The following GRB10 variants were observed in gnomAD, a reference collection of about 807,000 sequenced individuals.
The protein encoded by GRB10 is growth factor receptor bound protein 10.
GRB10 carries 20 observed loss-of-function variants against 80.9 expected under a neutral mutation model. The ratio of observed to expected loss-of-function variants is 0.25; its 90% CI spans 0.17 to 0.36. The LOEUF is 0.36. Among genes scored for constraint, GRB10 ranks in the 10% least tolerant of loss-of-function variants. GRB10 has a pLI of 1.00. For missense variants in GRB10, 548 were observed against 747.7 expected (o/e 0.73, Z 3.12); for synonymous variants, 291 against 291.5 (o/e 1.00, Z 0.02).
intron 2 of GRB10, among the ~76,000 whole-genome samples, chr7:50,771,124 G>A (rs1204827045): frequency 6.6e-6 from 1 of 152,204 alleles, no homozygotes; most frequent in Non-Finnish European, 1.5e-5. Context: ...TTTTTATGGA[G>A]TAAGAGTCCA....
intron 3 of GRB10, among the ~76,000 whole-genome samples, chr7:50,741,333 AAAG>A (rs1216464012): frequency 2.0e-5 from 3 of 152,300 alleles, no homozygotes; most frequent in African/African-American, 7.2e-5. Context: ...ACTAAACCAC[AAAG>A]AAGAGTAGTG....
chr7:50,720,377 GTGACAGTAT>G (rs2067521751), intron 4 of GRB10, among the ~76,000 whole-genome samples: 1 of 152,154 alleles, frequency 6.6e-6, no homozygotes, highest in Admixed American at 6.5e-5. Flanking sequence ...AACTGCTAAA[GTGACAGTAT>G]TGACTGCATG....
intron 4 of GRB10, among the ~76,000 whole-genome samples, chr7:50,726,571 T>C (rs1028601509): frequency 2.0e-5 from 3 of 152,192 alleles, no homozygotes; most frequent in Non-Finnish European, 2.9e-5. Flanking sequence ...TTATGTATTT[T>C]TATTTCCATT....
chr7:50,767,085 G>T (rs2074722), intron 2 of GRB10, among the ~76,000 whole-genome samples: 95,908 of 152,014 alleles, frequency 0.63, 32,605 homozygotes, highest in Middle Eastern at 0.87. Flanking sequence ...CAATGTAATC[G>T]AACTTTTCTG....
intron 2 of GRB10, among the ~76,000 whole-genome samples, chr7:50,758,955 C>T (rs541439444): frequency 1.3e-5 from 2 of 152,110 alleles, no homozygotes; most frequent in East Asian, 3.9e-4. Flanking sequence ...GAAGCCAAGG[C>T]TAGAAGACTG....
chr7:50,704,912 C>T (rs953797784), intron 4 of GRB10, among the ~76,000 whole-genome samples: 1 of 152,146 alleles, frequency 6.6e-6, no homozygotes, highest in African/African-American at 2.4e-5. Flanking sequence ...TTCTGGGTCT[C>T]GAACTACAGA....
At chr7:50,599,379 A>C (rs985091085) in intron 17 of GRB10, among the ~76,000 whole-genome samples, 10 of 152,170 alleles carry the variant, frequency 6.6e-5, no homozygotes, top group Non-Finnish European at 1.0e-4. Context: ...TAACTCTTTA[A>C]ACTGGCTTGC....
chr7:50,772,115 T>C (rs922962949), intron 2 of GRB10, among the ~76,000 whole-genome samples: 5 of 152,178 alleles, frequency 3.3e-5, no homozygotes, highest in Admixed American at 6.5e-5. Context: ...CACGGCCCTA[T>C]GGTCTCAATC....
intron 3 of GRB10, among the ~76,000 whole-genome samples, chr7:50,732,924 G>A (rs913747485): frequency 9.2e-5 from 14 of 152,070 alleles, no homozygotes; most frequent in Admixed American, 3.3e-4. Flanking sequence ...ACCTAGTACC[G>A]AATAAAATGA....
chr7:50,732,290 C>G lies in GRB10; in HGVS notation c.33G>C (p.Leu11Phe). The G allele has an allele frequency of 6.2e-7, 1 of 1,613,748 alleles. No individual in the cohort carries two copies. Among genetic ancestry groups the G allele is most frequent in the Non-Finnish European group, 8.5e-7 (1 of 1,179,942 alleles). The change falls in exon 4 of 19, where the codon TTG becomes TTC. Residue 11 changes from leucine to phenylalanine, a missense_variant. Leu to Phe is a conservative substitution (Grantham distance 22, BLOSUM62 0). Around this residue, in one of 4 missense-constraint regions of GRB10, gnomAD observed 245 missense variants for 229.3 expected, o/e 1.07. Transcript: ENST00000401949. MALAGCPDSF[L>F]HHPYYQDKVE... ...CCCATACCTGGTAGTACGGATGGTG[C>G]AAAAAGGAATCTGGGCAGCCGGCTA...
chr7:50,643,257 G>A (rs1563264699), intron 7 of GRB10, among the ~76,000 whole-genome samples: 1 of 152,062 alleles, frequency 6.6e-6, no homozygotes, highest in Non-Finnish European at 1.5e-5. Context: ...TGTACACTGG[G>A]GAAAGACTTA....
At chr7:50,688,537 G>A (rs966368793) in intron 5 of GRB10, among the ~76,000 whole-genome samples, 2 of 152,068 alleles carry the variant, frequency 1.3e-5, no homozygotes, top group Non-Finnish European at 2.9e-5. Flanking sequence ...AGGCCGGGGA[G>A]GGCAAAAATA....
intron 1 of GRB10, chr7:50,792,828 C>T (rs1462315120): frequency 1.3e-5 from 2 of 154,574 alleles, no homozygotes; most frequent in East Asian, 3.8e-4. Context: ...CCCAGGAGCG[C>T]GGCCTTGACC....
chr7:50,669,407 C>A (rs2060133031), intron 7 of GRB10, among the ~76,000 whole-genome samples: 1 of 152,060 alleles, frequency 6.6e-6, no homozygotes, highest in African/African-American at 2.4e-5. Flanking sequence ...TTTAAACAAC[C>A]AGATCTCGTG....
chr7:50,679,046 C>T (rs1042543034), intron 5 of GRB10, among the ~76,000 whole-genome samples: 5 of 152,136 alleles, frequency 3.3e-5, no homozygotes, highest in African/African-American at 1.2e-4. Flanking sequence ...TCACTTCAGA[C>T]GGATTTATAA....
At chr7:50,677,121 G>GC (rs1296754836) in intron 5 of GRB10, among the ~76,000 whole-genome samples, 2 of 152,212 alleles carry the variant, frequency 1.3e-5, no homozygotes, top group African/African-American at 4.8e-5. Flanking sequence ...AGCAAGCAGG[G>GC]CCCTGTGTGC....
intron 7 of GRB10, among the ~76,000 whole-genome samples, chr7:50,640,541 G>A (rs1369884223): frequency 6.6e-6 from 1 of 152,186 alleles, no homozygotes; most frequent in Non-Finnish European, 1.5e-5. Flanking sequence ...TGTAACCCAC[G>A]ACTGTATTTT....
intron 10 of GRB10, 93 bp downstream of exon 10, chr7:50,617,978 T>A: frequency 9.4e-7 from 1 of 1,058,616 alleles, no homozygotes; most frequent in South Asian, 1.3e-5. Context: ...AAAGATGCGA[T>A]CTCTTTAGGT....
At chr7:50,726,798 T>G (rs940219948) in intron 4 of GRB10, 1 of 152,216 alleles carries the variant, frequency 6.6e-6, no homozygotes, top group Non-Finnish European at 1.5e-5. Flanking sequence ...GGATACAAAT[T>G]CTATGTTTTA....
Sources: gnomAD v4.1 joint callset for allele counts (sites outside exome capture counted in the v4.1 genomes callset) on GRCh38, gnomAD v4.1.1 for gene constraint, gnomAD v4.1.1 regional missense constraint, MANE v1.5 for transcripts, NCBI Gene and HGNC (gene_info 2026-07-23, HGNC 2026-07-21) for gene names.